Variants in PCDH9 observed in about 807,000 individuals in gnomAD.
PCDH9 encodes the protein protocadherin 9.
In PCDH9, 24 loss-of-function variants were observed where a neutral mutation model predicts 70.6. That is an observed-to-expected ratio of 0.34 (90% CI 0.25 to 0.48). The LOEUF is 0.48. Among genes scored for constraint, PCDH9 ranks in the 20% least tolerant of loss-of-function variants. The probability of loss-of-function intolerance (pLI) is 0.99; values close to 1 mark genes in which losing one functional copy is unlikely to be tolerated. For synonymous variants in PCDH9, 562 were observed against 558.5 expected, an observed-to-expected ratio of 1.01 and a Z score of -0.09; for missense variants, 1,281 against 1,503.6, an observed-to-expected ratio of 0.85 and a Z score of 2.45.
At chr13:66,578,863 C>T (rs1267337091) in intron 4 of PCDH9, among the ~76,000 whole-genome samples, 2 of 152,100 alleles carry the variant, frequency 1.3e-5, no homozygotes, top group Non-Finnish European at 1.5e-5. Flanking sequence ...CAACTAGCCA[C>T]ACTTTCCTCT....
chr13:66,816,908 T>G (rs1320053707), intron 3 of PCDH9, among the ~76,000 whole-genome samples: 2 of 150,738 alleles, frequency 1.3e-5, no homozygotes, highest in African/African-American at 4.9e-5. Flanking sequence ...GTTTAAAGGA[T>G]AATGTGAGCT....
At chr13:66,434,976 C>A (rs114167694) in intron 4 of PCDH9, among the ~76,000 whole-genome samples, 3,039 of 152,044 alleles carry the variant, frequency 0.02, 127 homozygotes, top group African/African-American at 0.07. Context: ...GTACAAGCTG[C>A]AGTAGAAGTG....
chr13:66,686,036 G>A (rs1438911207), intron 3 of PCDH9, among the ~76,000 whole-genome samples: 3 of 152,136 alleles, frequency 2.0e-5, no homozygotes, highest in African/African-American at 7.2e-5. Context: ...AGACTTTGGG[G>A]AACTGTTGGA....
chr13:66,894,485 A>G (rs1466569613), intron 3 of PCDH9, among the ~76,000 whole-genome samples: 2 of 152,310 alleles, frequency 1.3e-5, no homozygotes, highest in East Asian at 3.9e-4. Flanking sequence ...GGACATAAAT[A>G]AGTGTATCAG....
intron 4 of PCDH9, among the ~76,000 whole-genome samples, chr13:66,497,663 T>A (rs987527975): frequency 1.3e-5 from 2 of 152,100 alleles, no homozygotes; most frequent in African/African-American, 4.8e-5. Context: ...TAGGAGACAT[T>A]TTTGGCATTA....
chr13:66,530,539 G>C (rs558463906), intron 4 of PCDH9, among the ~76,000 whole-genome samples: 5 of 151,518 alleles, frequency 3.3e-5, no homozygotes, highest in African/African-American at 1.2e-4. Flanking sequence ...AAAGATAATA[G>C]GTCTGCCATC....
intron 3 of PCDH9, among the ~76,000 whole-genome samples, chr13:66,821,881 T>C (rs2080717089): frequency 6.6e-6 from 1 of 152,204 alleles, no homozygotes; most frequent in South Asian, 2.1e-4. Flanking sequence ...GCACATTCAT[T>C]TTCACAAATT....
Position 66,304,260 on chromosome 13 carries a change from CAAAAAA to C in PCDH9, c.*389_*394del, listed in dbSNP as rs55837718. 1.2e-3 allele frequency: 81 copies of C among 65,516 alleles called. No homozygotes were observed. Among genetic ancestry groups the C allele is most frequent in the African/African-American group, 4.6e-3 (72 of 15,538 alleles). 4.1% of individuals were successfully genotyped at this position (65,516 alleles called of 1,614,324 possible). On this transcript the variant is annotated 3_prime_UTR_variant, in exon 5 of 5. Coordinates refer to ENST00000377865, the MANE Select transcript of PCDH9 (RefSeq NM_203487.3). ...TAGCAGTCCCAGCACAAATCAATGACAAAAAAAAAAAAAAAAAAAAAAAAAAGCACA... is the reference window on the plus strand; with the variant it reads ...TAGCAGTCCCAGCACAAATCAATGACAAAAAAAAAAAAAAAAAAAAGCACA...
chr13:66,705,947 A>G (rs1348253756), intron 3 of PCDH9, among the ~76,000 whole-genome samples: 1 of 152,150 alleles, frequency 6.6e-6, no homozygotes, highest in African/African-American at 2.4e-5. Context: ...CTGATTTTAG[A>G]CAATTTCCTC....
chr13:66,650,735 A>G (rs923684543), intron 3 of PCDH9, among the ~76,000 whole-genome samples: 5 of 151,968 alleles, frequency 3.3e-5, no homozygotes, highest in Non-Finnish European at 5.9e-5. Flanking sequence ...AATACACATT[A>G]TTCTCCTCAG....
At chr13:66,482,965 G>A (rs961344507) in intron 4 of PCDH9, among the ~76,000 whole-genome samples, 2 of 152,084 alleles carry the variant, frequency 1.3e-5, no homozygotes. Context: ...GGCCTTTGCT[G>A]CTCACTTCCT....
intron 2 of PCDH9, among the ~76,000 whole-genome samples, chr13:67,015,907 T>C (rs2084551406): frequency 1.3e-5 from 2 of 152,170 alleles, no homozygotes; most frequent in Non-Finnish European, 2.9e-5. Context: ...CCAGTGAAAT[T>C]ATAAGTTCCT....
At chr13:66,451,123 C>T (rs918885481) in intron 4 of PCDH9, among the ~76,000 whole-genome samples, 2 of 152,116 alleles carry the variant, frequency 1.3e-5, no homozygotes, top group African/African-American at 2.4e-5. Context: ...CAAACTTGCA[C>T]GTTGTGCACA....
intron 3 of PCDH9, among the ~76,000 whole-genome samples, chr13:66,762,873 T>A (rs896212203): frequency 5.3e-5 from 8 of 152,040 alleles, no homozygotes; most frequent in African/African-American, 1.5e-4. Flanking sequence ...AGAAAAAAAA[T>A]TTAATTTATA....
chr13:67,214,611 G>C (rs1379531848), intron 2 of PCDH9: 1 of 151,794 alleles, frequency 6.6e-6, no homozygotes, highest in South Asian at 2.1e-4. Flanking sequence ...GAAAGACGAA[G>C]CAATTATACA....
intron 2 of PCDH9, among the ~76,000 whole-genome samples, chr13:66,928,190 C>A (rs987233227): frequency 1.3e-5 from 2 of 151,976 alleles, no homozygotes; most frequent in Non-Finnish European, 2.9e-5. Flanking sequence ...ATTGGGGTCT[C>A]AATTTTCTTA....
intron 2 of PCDH9, among the ~76,000 whole-genome samples, chr13:67,067,702 G>C (rs971267750): frequency 6.7e-6 from 1 of 149,108 alleles, no homozygotes; most frequent in Admixed American, 6.7e-5. Flanking sequence ...TGACAGCGGC[G>C]AAGTGGTCTT....
chr13:66,351,258 T>C (rs1956287219), intron 4 of PCDH9, among the ~76,000 whole-genome samples: 1 of 152,094 alleles, frequency 6.6e-6, no homozygotes, highest in African/African-American at 2.4e-5. Flanking sequence ...GGCAAGTTCA[T>C]TTAAAGAGTA....
At chr13:66,818,405 A>G (rs1441866969) in intron 3 of PCDH9, among the ~76,000 whole-genome samples, 2 of 152,232 alleles carry the variant, frequency 1.3e-5, no homozygotes, top group Non-Finnish European at 2.9e-5. Flanking sequence ...TTCAAATCCA[A>G]ATTTAATTAG....
Sources: allele counts gnomAD v4.1 joint callset (sites outside exome capture counted in the v4.1 genomes callset), GRCh38; gene constraint gnomAD v4.1.1; transcripts MANE v1.5; gene names NCBI Gene and HGNC (gene_info 2026-07-23, HGNC 2026-07-21).